SLC16A5: variants seen among roughly 807,000 people sequenced by gnomAD.
The protein encoded by SLC16A5 is monocarboxylate transporter 6.
In SLC16A5, 29 loss-of-function variants were observed where a neutral mutation model predicts 33.2. The ratio of observed to expected loss-of-function variants is 0.87; its 90% CI spans 0.65 to 1.19. The LOEUF (loss-of-function observed/expected upper bound fraction) is 1.19, where lower values mean the gene tolerates loss of function less well. Ranked by LOEUF, SLC16A5 falls within the 50% of genes most tolerant of loss-of-function variation. The probability of loss-of-function intolerance (pLI) is 0.00; values close to 1 mark genes in which losing one functional copy is unlikely to be tolerated. For synonymous variants in SLC16A5, 248 were observed against 284.1 expected (o/e 0.87, Z 1.28); for missense variants, 606 against 678.2 (o/e 0.89, Z 1.18).
intron 5 of SLC16A5, among the ~76,000 whole-genome samples, chr17:75,102,407 C>T (rs1382491494): frequency 2.8e-5 from 4 of 141,738 alleles, no homozygotes; most frequent in African/African-American, 6.1e-5. Context: ...AACTCCAACT[C>T]GAAAAAAATA....
At chr17:75,089,911 G>C (rs1174127825) in intron 2 of SLC16A5, 1 of 152,068 alleles carries the variant, frequency 6.6e-6, no homozygotes, top group African/African-American at 2.4e-5. Flanking sequence ...AGTAGAACAA[G>C]GAGATCGATC....
At chr17:75,102,893 G>A (rs1026219698) in intron 5 of SLC16A5, among the ~76,000 whole-genome samples, 3 of 126,416 alleles carry the variant, frequency 2.4e-5, no homozygotes, top group African/African-American at 5.9e-5. Context: ...CCACACGCCC[G>A]GCTAATTTTT....
chr17:75,100,660 G>C lies in SLC16A5; in HGVS notation c.997G>C (p.Gly333Arg). Residue 333 changes from glycine to arginine, a missense_variant, in exon 5 of 7, where the codon GGC becomes CGC. Transcript: ENST00000329783. ...AASGDFWVLV[G>R]YCLAYSVSMS... ...ATCAGGTGACTTCTGGGTGCTCGTG[G>C]GCTACTGCCTGGCGTACAGCGTGTC... is the stretch of plus-strand genomic sequence containing the variant. 1 of 1,614,176 alleles carries C rather than the reference G, an allele frequency of 6.2e-7. No individual in the cohort carries two copies.
At chr17:75,099,910 G>T in intron 4 of SLC16A5, 97 bp from the exon 5 acceptor site, 1 of 1,141,818 alleles carries the variant, frequency 8.8e-7, no homozygotes, top group East Asian at 2.5e-5. Context: ...TAGAACCAGA[G>T]GAGGGCAGGT....
downstream of SLC16A5, chr17:75,110,075 A>C: frequency 1.8e-6 from 1 of 540,586 alleles, no homozygotes; most frequent in Non-Finnish European, 3.2e-6. Flanking sequence ...TTTCAAACGC[A>C]ACTCCTACAG....
At chr17:75,088,508 G>C (rs2073597751) in intron 1 of SLC16A5, among the ~76,000 whole-genome samples, 1 of 152,134 alleles carries the variant, frequency 6.6e-6, no homozygotes, top group African/African-American at 2.4e-5. Flanking sequence ...CACCTCTGGG[G>C]CTGCCTCCCT....
chr17:75,105,308 G>T, intron 6 of SLC16A5: 1 of 985,466 alleles, frequency 1.0e-6, no homozygotes, highest in Non-Finnish European at 1.2e-6. Context: ...CCTTGGCGGG[G>T]AGGATTAGTG....
At chr17:75,088,274 A>G (rs1042665023) in intron 1 of SLC16A5, among the ~76,000 whole-genome samples, 1 of 152,026 alleles carries the variant, frequency 6.6e-6, no homozygotes, top group Non-Finnish European at 1.5e-5. Flanking sequence ...CCGAAATTCC[A>G]GGGCGGACAC....
intron 5 of SLC16A5, among the ~76,000 whole-genome samples, chr17:75,101,718 T>G (rs112674222): frequency 0.085 from 12,841 of 151,844 alleles, 742 homozygotes; most frequent in African/African-American, 0.17. Context: ...CACTGCAGCC[T>G]CAACCTGCCA....
chr17:75,093,503 G>C (rs1446097959), intron 2 of SLC16A5, 86 bp from the exon 3 acceptor site: 2 of 1,537,030 alleles, frequency 1.3e-6, no homozygotes, highest in Non-Finnish European at 8.7e-7. Flanking sequence ...GGAAGGGATG[G>C]CTTAGCTGCC....
intron 5 of SLC16A5, 69 bp from the exon 6 acceptor site, chr17:75,103,901 T>C: frequency 7.2e-7 from 1 of 1,392,420 alleles, no homozygotes. Context: ...ATACCTGCTG[T>C]CAGGGAACAC....
chr17:75,106,343 CT>C (rs1162402363), downstream of SLC16A5, among the ~76,000 whole-genome samples: 4 of 152,024 alleles, frequency 2.6e-5, no homozygotes, highest in African/African-American at 7.2e-5. Context: ...TCTGCTCCAT[CT>C]CAGTTGAATG....
At chr17:75,098,692 TTTTG>T (rs56053066) in intron 4 of SLC16A5, among the ~76,000 whole-genome samples, 28 of 151,408 alleles carry the variant, frequency 1.8e-4, no homozygotes, top group Admixed American at 5.3e-4. Context: ...GACAGGCTTT[TTTTG>T]TTTGTTTGTT....
In SLC16A5 at chr17:75,093,726, C is replaced by T. The variant is rs867420377; in HGVS notation, c.90C>T (p.Phe30=). 2.5e-5 allele frequency: 41 copies of T among 1,614,050 alleles called. No homozygotes were observed. Among genetic ancestry groups the T allele is most frequent in the Non-Finnish European group, 3.4e-5 (40 of 1,180,016 alleles). Residue 30 remains phenylalanine (F), a synonymous_variant, in exon 3 of 7, where the codon TTC becomes TTT. Coordinates refer to ENST00000329783, the MANE Select transcript of SLC16A5 (RefSeq NM_004695.4). ...TGACCCAGGGCCTCACCCTGGGCTT[C>T]CCCACGTGTATCGGCATCTTCTTCA... ...TMVTQGLTLG[F]PTCIGIFFTE...
intron 3 of SLC16A5, 51 bp downstream of exon 3, chr17:75,093,886 A>C (rs750989793): frequency 1.3e-6 from 2 of 1,576,946 alleles, no homozygotes; most frequent in African/African-American, 2.7e-5. Context: ...GTTGCGGGGA[A>C]GCCACAACCT....
At chr17:75,099,905 C>T in intron 4 of SLC16A5, 102 bp from the exon 5 acceptor site, 1 of 1,117,390 alleles carries the variant, frequency 8.9e-7, no homozygotes, top group Non-Finnish European at 1.3e-6. Context: ...TGGACTAGAA[C>T]CAGAGGAGGG....
At chr17:75,108,793 G>C (rs913892303), downstream of SLC16A5, among the ~76,000 whole-genome samples, 1 of 148,176 alleles carries the variant, frequency 6.7e-6, no homozygotes, top group African/African-American at 2.4e-5. Context: ...TTGGACAAGC[G>C]GTTGCTGGGC....
At chr17:75,095,656 C>T (rs1249591005) in intron 3 of SLC16A5, among the ~76,000 whole-genome samples, 2 of 147,932 alleles carry the variant, frequency 1.4e-5, no homozygotes, top group Admixed American at 6.6e-5. Flanking sequence ...CACCACCACA[C>T]CCAGCTAATT....
rs1598157200 is a variant in SLC16A5 at position 75,104,884 on chromosome 17, C to T, written c.1364+704C>T. 1.0e-5 allele frequency: 10 copies of T among 985,460 alleles called. 1 individual carries two copies. Among genetic ancestry groups the T allele is most frequent in the South Asian group, 9.4e-5 (2 of 21,290 alleles). 61.0% of individuals were successfully genotyped at this position (985,460 alleles called of 1,614,324 possible). On this transcript the variant is annotated intron_variant, in intron 6 of 6. Transcript: ENST00000329783. ...CAGGTTTGTCCCAGCCGGCTCAGCGCAGCTGGCTGTGTGTTGCTGCTCCTA... is the reference window on the plus strand; with the variant it reads ...CAGGTTTGTCCCAGCCGGCTCAGCGTAGCTGGCTGTGTGTTGCTGCTCCTA...
Sources: gnomAD v4.1 joint callset for allele counts (sites outside exome capture counted in the v4.1 genomes callset) on GRCh38, gnomAD v4.1.1 for gene constraint, MANE v1.5 for transcripts, NCBI Gene and HGNC (gene_info 2026-07-23, HGNC 2026-07-21) for gene names.